Variants in CLASP2 observed in about 807,000 individuals in gnomAD.
CLASP2 encodes the protein CLIP-associating protein 2.
CLASP2 carries 47 observed loss-of-function variants against 194.4 expected under a neutral mutation model. The observed-to-expected ratio is 0.24, with a 90% CI of 0.19 to 0.31. The LOEUF (loss-of-function observed/expected upper bound fraction) is 0.31. Among genes scored for constraint, CLASP2 ranks in the 10% least tolerant of loss-of-function variants. The pLI is 1.00. For synonymous variants in CLASP2, 619 were observed against 633.5 expected (o/e 0.98, Z 0.34); for missense variants, 1,445 against 1,823.6 (o/e 0.79, Z 3.78).
At chr3:33,598,231 G>A (rs971178384) in intron 18 of CLASP2, among the ~76,000 whole-genome samples, 5 of 149,256 alleles carry the variant, frequency 3.3e-5, no homozygotes, top group Admixed American at 6.7e-5. Flanking sequence ...CCCACCTCTT[G>A]TGTCTACTCT....
At chr3:33,583,437 C>G (rs1276829968) in intron 22 of CLASP2, among the ~76,000 whole-genome samples, 1 of 152,238 alleles carries the variant, frequency 6.6e-6, no homozygotes, top group South Asian at 2.1e-4. Context: ...AGGGAACTCA[C>G]TGTACCTTTG....
At chr3:33,680,272 C>T (rs1257359673) in intron 6 of CLASP2, among the ~76,000 whole-genome samples, 1 of 152,164 alleles carries the variant, frequency 6.6e-6, no homozygotes, top group Admixed American at 6.5e-5. Flanking sequence ...ACTACAATAG[C>T]GGACACATGT....
intron 33 of CLASP2, among the ~76,000 whole-genome samples, chr3:33,537,529 T>A (rs889705250): frequency 6.6e-6 from 1 of 152,120 alleles, no homozygotes; most frequent in African/African-American, 2.4e-5. Flanking sequence ...CAGAGAAAAG[T>A]CTAAGAAGCA....
At chr3:33,596,455 A>C in intron 19 of CLASP2, 3 of 355,514 alleles carry the variant, frequency 8.4e-6, no homozygotes, top group Non-Finnish European at 5.2e-6. Context: ...AACTTCTAAG[A>C]GCTCAGGCAA....
In CLASP2 at chr3:33,573,400, T is replaced by C. The variant is rs1177939399; in HGVS notation, c.2455-46A>G. ...CATTAGCAGTAGCCAAAAGAATATA[T>C]TGGTATTTCATAATTTCTACTGACC... On this transcript the variant is annotated intron_variant, in intron 24 of 38. Transcript: ENST00000682230. The C allele has an allele frequency of 8.2e-6, 13 of 1,590,004 alleles. No homozygotes were observed. The South Asian group carries it at 8.9e-5, about 11-fold the overall frequency.
chr3:33,685,570 G>A (rs1049568223), intron 5 of CLASP2, among the ~76,000 whole-genome samples: 1 of 151,968 alleles, frequency 6.6e-6, no homozygotes, highest in African/African-American at 2.4e-5. Flanking sequence ...TCCATCCACA[G>A]ATAAATGGAT....
rs760891395 is a variant in CLASP2 at position 33,552,116 on chromosome 3, ATT to A, written c.3010-723_3010-722del. On this transcript the variant is annotated intron_variant, in intron 29 of 38. Transcript: ENST00000682230. Reference sequence around the variant, plus strand: ...TAAAAATGTTATGTGTGGGTTTATAATTTTTTTTTTTTTTTTTTTTGAGACAG... The same window carrying A: ...TAAAAATGTTATGTGTGGGTTTATAATTTTTTTTTTTTTTTTTTGAGACAG... 8.2e-3 allele frequency among the ~76,000 whole-genome samples: 1,112 copies of A among 135,210 alleles called. 11 individuals carry two copies. Among genetic ancestry groups the A allele is most frequent in the African/African-American group, 0.027 (971 of 36,502 alleles). The allele number at this position is 135,210 out of a possible 152,430, so 88.7% of individuals were successfully genotyped here.
intron 38 of CLASP2, among the ~76,000 whole-genome samples, chr3:33,500,243 C>T (rs2046533428): frequency 6.6e-6 from 1 of 151,938 alleles, no homozygotes; most frequent in African/African-American, 2.4e-5. Context: ...CTATGTTGAC[C>T]AGGCTGGTCT....
At chr3:33,501,860 A>G (rs1345876150) in intron 37 of CLASP2, 92 bp from the exon 38 acceptor site, 2 of 810,728 alleles carry the variant, frequency 2.5e-6, no homozygotes, top group Admixed American at 3.9e-5. Flanking sequence ...TGAAAGATGA[A>G]ATCTCGAGCA....
intron 1 of CLASP2, among the ~76,000 whole-genome samples, chr3:33,712,932 TG>T: frequency 7.0e-6 from 1 of 141,918 alleles, no homozygotes; most frequent in South Asian, 2.2e-4. Flanking sequence ...CACTCCAGCC[TG>T]GGCGACAAGA....
At chr3:33,627,220 C>T (rs769066017) in intron 9 of CLASP2, 140 bp from the exon 10 acceptor site, 26 of 668,150 alleles carry the variant, frequency 3.9e-5, no homozygotes, top group Non-Finnish European at 1.9e-5. Flanking sequence ...AATAGAAATA[C>T]ATTATAGACA....
At chr3:33,683,501 G>A (rs2090144306) in intron 6 of CLASP2, 1 of 152,230 alleles carries the variant, frequency 6.6e-6, no homozygotes, top group Non-Finnish European at 1.5e-5. Flanking sequence ...CCAGCTACTT[G>A]GGAGGCTGAG....
chr3:33,670,080 A>T (rs2086876369), intron 6 of CLASP2, among the ~76,000 whole-genome samples: 1 of 152,228 alleles, frequency 6.6e-6, no homozygotes, highest in Non-Finnish European at 1.5e-5. Context: ...ATATATACAT[A>T]CACATGCACA....
chr3:33,709,645 CT>C (rs139259834), intron 1 of CLASP2, among the ~76,000 whole-genome samples: 2,920 of 152,194 alleles, frequency 0.019, 52 homozygotes, highest in African/African-American at 0.045. Flanking sequence ...AAATTCTCCC[CT>C]GAAGTCTCTA....
chr3:33,644,638 T>A, intron 8 of CLASP2, 119 bp downstream of exon 8: 6 of 1,059,786 alleles, frequency 5.7e-6, no homozygotes, highest in Non-Finnish European at 8.4e-6. Context: ...TGCAACAGAC[T>A]CCAGATCTGC....
In CLASP2 at chr3:33,632,288, T is replaced by C; in HGVS notation, c.942+4A>G. The C allele has an allele frequency of 6.3e-7, 1 of 1,589,394 alleles. No homozygotes were observed. The highest frequency in any genetic ancestry group is 8.6e-7 in the Non-Finnish European group (1 of 1,166,962). The stretch of plus-strand genomic sequence containing the variant: ...TTCACGGGGAGTGCCACTGGTAGCC[T>C]TACCTGAATAGAAGGGACATCTGTA... On this transcript the variant is annotated splice_donor_region_variant and intron_variant, in intron 9 of 38. Coordinates refer to ENST00000682230, the MANE Select transcript of CLASP2 (RefSeq NM_001365631.1).
chr3:33,580,654 T>C (rs902793563), intron 23 of CLASP2, among the ~76,000 whole-genome samples: 2 of 151,964 alleles, frequency 1.3e-5, no homozygotes, highest in East Asian at 1.9e-4. Flanking sequence ...AGAACTAGGT[T>C]CTCCCTGAGC....
At chr3:33,594,184 A>C (rs2069585132) in intron 20 of CLASP2, among the ~76,000 whole-genome samples, 1 of 152,196 alleles carries the variant, frequency 6.6e-6, no homozygotes, top group South Asian at 2.1e-4. Flanking sequence ...TTAAAACTTA[A>C]AATACAAAAT....
At chr3:33,645,545 G>A (rs1412215883) in intron 7 of CLASP2, 4 of 443,100 alleles carry the variant, frequency 9.0e-6, no homozygotes, top group Non-Finnish European at 1.6e-5. Context: ...ACTGCCAGAT[G>A]AAAGGTAAAA....
Sources: gnomAD v4.1 joint callset for allele counts (sites outside exome capture counted in the v4.1 genomes callset) on GRCh38, gnomAD v4.1.1 for gene constraint, MANE v1.5 for transcripts, NCBI Gene and HGNC (gene_info 2026-07-23, HGNC 2026-07-21) for gene names.